The following RFX8 variants were observed in gnomAD, a reference collection of about 807,000 sequenced individuals.
RFX8 encodes the protein regulatory factor X8, also known as DNA-binding protein RFX8.
RFX8 carries 46 observed loss-of-function variants against 54.6 expected under a neutral mutation model. That is an observed-to-expected ratio of 0.84 (90% CI 0.67 to 1.08). RFX8 has a LOEUF of 1.08. RFX8 is among the 50% of genes least tolerant of loss of function. The probability of loss-of-function intolerance (pLI) is 0.00; values close to 1 mark genes in which losing one functional copy is unlikely to be tolerated. For missense variants in RFX8, 536 were observed against 562.3 expected, an observed-to-expected ratio of 0.95 and a Z score of 0.47; for synonymous variants, 192 against 209.5, an observed-to-expected ratio of 0.92 and a Z score of 0.72.
chr2:101,452,765 C>T (rs139459948), intron 2 of RFX8, among the ~76,000 whole-genome samples: 1,788 of 151,930 alleles, frequency 0.012, 48 homozygotes, highest in African/African-American at 0.041. Flanking sequence ...AGTTCAAAAC[C>T]AGCCTGGCCA....
At chr2:101,474,008 G>C (rs1690156568) in intron 1 of RFX8, among the ~76,000 whole-genome samples, 1 of 152,206 alleles carries the variant, frequency 6.6e-6, no homozygotes, top group African/African-American at 2.4e-5. Context: ...TCGGGCCCGG[G>C]GCTTTTACGC....
chr2:101,457,981 T>G (rs1689075221), intron 2 of RFX8, among the ~76,000 whole-genome samples: 1 of 152,194 alleles, frequency 6.6e-6, no homozygotes, highest in Admixed American at 6.5e-5. Flanking sequence ...CTTTGTCTCT[T>G]TTGATCTTTG....
chr2:101,404,118 G>C lies in RFX8; in HGVS notation c.929-1366C>G, dbSNP rs555384370. Among the ~76,000 whole-genome samples the C allele has an allele frequency of 5.4e-4, 83 of 152,306 alleles. 1 individual carries two copies. The highest frequency in any genetic ancestry group is 1.9e-3 in the African/African-American group (79 of 41,564). On this transcript the variant is annotated intron_variant, in intron 10 of 11. Coordinates refer to ENST00000428343, the MANE Select transcript of RFX8 (RefSeq NM_001145664.2). The stretch of plus-strand genomic sequence containing the variant: ...ATGGAAGGTAGAGATAACCCAGAAG[G>C]CTGTGCCAACCTTTTGTCCATTTCA...
At chr2:101,465,025 G>A (rs1689497547) in intron 2 of RFX8, among the ~76,000 whole-genome samples, 1 of 152,174 alleles carries the variant, frequency 6.6e-6, no homozygotes. Flanking sequence ...TATTTGGAGT[G>A]ATGAAATGGC....
intron 9 of RFX8, among the ~76,000 whole-genome samples, chr2:101,408,168 G>C (rs937842707): frequency 6.6e-6 from 1 of 152,344 alleles, no homozygotes; most frequent in East Asian, 1.9e-4. Context: ...TGGTAGTGAT[G>C]ATCTCAGTGG....
At chr2:101,415,764 A>G (rs1198062067) in intron 6 of RFX8, among the ~76,000 whole-genome samples, 38 of 152,346 alleles carry the variant, frequency 2.5e-4, no homozygotes, top group Non-Finnish European at 1.8e-4. Context: ...GTGGGTCACC[A>G]GATATGCAAA....
At chr2:101,452,378 A>G in intron 2 of RFX8, 1 of 1,419,770 alleles carries the variant, frequency 7.0e-7, no homozygotes, top group Non-Finnish European at 9.2e-7. Flanking sequence ...AAAAATTCTA[A>G]ACCTACCTGG....
At chr2:101,440,253 C>T (rs936979939) in intron 2 of RFX8, among the ~76,000 whole-genome samples, 9 of 152,156 alleles carry the variant, frequency 5.9e-5, no homozygotes, top group African/African-American at 1.7e-4. Context: ...AGACTGCTCT[C>T]GTAGAAAGCT....
intron 4 of RFX8, among the ~76,000 whole-genome samples, chr2:101,421,008 T>A (rs1041517814): frequency 6.6e-6 from 1 of 152,210 alleles, no homozygotes; most frequent in Non-Finnish European, 1.5e-5. Context: ...AGACATCCAG[T>A]GTGGATGGAT....
At chr2:101,418,206 G>A (rs892207446) in intron 5 of RFX8, among the ~76,000 whole-genome samples, 1 of 152,274 alleles carries the variant, frequency 6.6e-6, no homozygotes, top group South Asian at 2.1e-4. Flanking sequence ...ATTTTTAAAA[G>A]ATTGATAACT....
In RFX8 at chr2:101,421,739, T is replaced by G; in HGVS notation, c.222A>C (p.Arg74=). 1 of 1,550,278 alleles carries G rather than the reference T, an allele frequency of 6.5e-7. No individual in the cohort carries two copies. Among genetic ancestry groups the G allele is most frequent in the Non-Finnish European group, 8.7e-7 (1 of 1,146,332 alleles). The change falls in exon 4 of 12, where the codon CGA becomes CGC. Residue 74 remains arginine (R), a synonymous_variant. Transcript: ENST00000428343. ...FLADEYCNYC[R]DILRNVEDLL... Reference sequence around the variant, plus strand: ...AGTTCCTCACATTTCGTAAAATGTCTCGACAATAGTTGCAGTATTCGTCAG... The same window carrying G: ...AGTTCCTCACATTTCGTAAAATGTCGCGACAATAGTTGCAGTATTCGTCAG...
At chr2:101,442,273 G>A (rs1688141239) in intron 2 of RFX8, among the ~76,000 whole-genome samples, 1 of 152,150 alleles carries the variant, frequency 6.6e-6, no homozygotes. Context: ...ATGATTCATA[G>A]AACTTGTGAT....
At chr2:101,417,898 T>C (rs1332848804) in intron 5 of RFX8, among the ~76,000 whole-genome samples, 1 of 152,132 alleles carries the variant, frequency 6.6e-6, no homozygotes, top group Non-Finnish European at 1.5e-5. Context: ...AATATTTTTG[T>C]TTATTTATTT....
chr2:101,420,189 G>C (rs1212131890), intron 4 of RFX8, among the ~76,000 whole-genome samples: 2 of 152,050 alleles, frequency 1.3e-5, no homozygotes, highest in South Asian at 4.1e-4. Flanking sequence ...GGGCATCCGA[G>C]GCCCCTTCTG....
At chr2:101,469,354 T>G (rs992559965) in intron 1 of RFX8, among the ~76,000 whole-genome samples, 1 of 151,834 alleles carries the variant, frequency 6.6e-6, no homozygotes, top group African/African-American at 2.4e-5. Flanking sequence ...GGTCTCACTA[T>G]GTTGCCCAAG....
intron 1 of RFX8, among the ~76,000 whole-genome samples, chr2:101,471,689 G>A (rs535058108): frequency 3.8e-4 from 58 of 152,188 alleles, no homozygotes; most frequent in Admixed American, 1.2e-3. Flanking sequence ...ACCTCTCCCC[G>A]TTTCTGCAGT....
chr2:101,403,801 A>T (rs1423496307), intron 10 of RFX8, among the ~76,000 whole-genome samples: 2 of 152,220 alleles, frequency 1.3e-5, no homozygotes, highest in African/African-American at 4.8e-5. Flanking sequence ...AGAAAAAAGA[A>T]AAAAGGACAT....
chr2:101,408,930 G>A (rs539376045), intron 9 of RFX8, among the ~76,000 whole-genome samples: 3 of 152,298 alleles, frequency 2.0e-5, no homozygotes, highest in South Asian at 2.1e-4. Flanking sequence ...GCCACAACAC[G>A]GCCAGAAGCT....
Position 101,428,063 on chromosome 2 carries a change from G to C in RFX8, c.73-5591C>G, listed in dbSNP as rs888907215. On this transcript the variant is annotated intron_variant, in intron 2 of 11. Coordinates refer to ENST00000428343, the MANE Select transcript of RFX8 (RefSeq NM_001145664.2). ...AATCCCAGCATTTTGGGAGGCCAAG[G>C]GGGGCAGATCTCTTGGGGTCAGGAG... Among the ~76,000 whole-genome samples, 5 of 147,770 alleles carry C rather than the reference G, an allele frequency of 3.4e-5. No homozygotes were observed. In the East Asian group the frequency reaches 9.7e-4, roughly 29 times the overall value.
Sources: gnomAD v4.1 joint callset for allele counts (sites outside exome capture counted in the v4.1 genomes callset) on GRCh38, gnomAD v4.1.1 for gene constraint, MANE v1.5 for transcripts, NCBI Gene and HGNC (gene_info 2026-07-23, HGNC 2026-07-21) for gene names.